The following PAPPA variants were observed in gnomAD, a reference collection of about 807,000 sequenced individuals.
PAPPA encodes pappalysin 1, also known as pappalysin-1.
Under a neutral mutation model 164.0 loss-of-function variants are expected in PAPPA, and 60 were observed. That is an observed-to-expected ratio of 0.37 (90% CI 0.30 to 0.45). The LOEUF is 0.45. PAPPA is among the 20% of genes least tolerant of loss of function. The pLI is 1.00. For synonymous variants in PAPPA, 875 were observed against 814.1 expected (o/e 1.07, Z -1.27); for missense variants, 1,782 against 2,087.3 (o/e 0.85, Z 2.85).
chr9:116,323,290 C>T (rs1387721549), intron 10 of PAPPA, among the ~76,000 whole-genome samples: 11 of 152,140 alleles, frequency 7.2e-5, no homozygotes, highest in Non-Finnish European at 1.5e-4. Flanking sequence ...GGTCCTGGAG[C>T]CACAGAGTCC....
rs200604980 is a variant in PAPPA, at chr9:116,289,121, CATATATATATATATATATATAT to C, written c.2954-13618_2954-13597del. Among the ~76,000 whole-genome samples the C allele has an allele frequency of 1.7e-4, 3 of 17,882 alleles. 1 individual carries two copies. The highest frequency in any genetic ancestry group is 6.0e-4 in the African/African-American group (3 of 5,008). The allele number at this position is 17,882 out of a possible 152,430, so 11.7% of individuals were successfully genotyped here. A position where few individuals can be genotyped will look rare whatever the true frequency, so the allele number is the denominator to read the frequency against. On this transcript the variant is annotated intron_variant, in intron 9 of 21. Coordinates refer to ENST00000328252, the MANE Select transcript of PAPPA (RefSeq NM_002581.5). Reference sequence around the variant, plus strand: ...GGATTGCAGAATAGATATGCATATACATATATATATATATATATATATATATATATATATATATAGCATATAT... The same window carrying C: ...GGATTGCAGAATAGATATGCATATACATATATATATATATATAGCATATAT...
At chr9:116,215,362 T>C (rs1180666416) in intron 4 of PAPPA, among the ~76,000 whole-genome samples, 3 of 152,138 alleles carry the variant, frequency 2.0e-5, no homozygotes, top group Non-Finnish European at 4.4e-5. Context: ...TGCCCATTAA[T>C]AATAGACTGG....
intron 2 of PAPPA, among the ~76,000 whole-genome samples, chr9:116,200,239 T>C (rs1315839481): frequency 2.0e-5 from 3 of 152,230 alleles, no homozygotes; most frequent in Non-Finnish European, 4.4e-5. Flanking sequence ...CTTGGTTCAA[T>C]ATCAAACCAA....
chr9:116,276,486 C>A (rs2118835064), intron 9 of PAPPA, among the ~76,000 whole-genome samples: 1 of 149,618 alleles, frequency 6.7e-6, no homozygotes, highest in Middle Eastern at 3.4e-3. Flanking sequence ...CACCTCAGAG[C>A]CTCAGTTTCT....
At chr9:116,355,683 G>C (rs894931578) in intron 17 of PAPPA, among the ~76,000 whole-genome samples, 13 of 152,334 alleles carry the variant, frequency 8.5e-5, no homozygotes, top group Non-Finnish European at 1.9e-4. Flanking sequence ...TTATCAAACT[G>C]AAACTCAGCC....
rs1846299265 is a variant in PAPPA at position 116,352,769 on chromosome 9, A to G, written c.4028A>G (p.Glu1343Gly). 6.2e-7 allele frequency: 1 copy of G among 1,613,646 alleles called. No homozygotes were observed. The highest frequency in any genetic ancestry group is 1.3e-5 in the African/African-American group (1 of 74,860). The change falls in exon 16 of 22, where the codon GAG becomes GGG. Residue 1343 changes from glutamate (E) to glycine (G), a missense_variant. Transcript: ENST00000328252. The part of the protein sequence containing the change: ...GLWSFPEALC[E>G]LMCLAPPPVP... ...TGGTCCTTCCCAGAGGCCCTGTGTG[A>G]GCTCATGTGCCTCGCTCCACCCCCT...
At chr9:116,156,893 G>A (rs1314876452) in intron 1 of PAPPA, among the ~76,000 whole-genome samples, 1 of 152,210 alleles carries the variant, frequency 6.6e-6, no homozygotes, top group Admixed American at 6.5e-5. Flanking sequence ...GGACCGAGGT[G>A]GGCAGCAAGG....
At chr9:116,216,890 C>T (rs372745039) in intron 4 of PAPPA, among the ~76,000 whole-genome samples, 1 of 152,014 alleles carries the variant, frequency 6.6e-6, no homozygotes, top group East Asian at 1.9e-4. Context: ...TACAGGCGTG[C>T]ACCACCATGC....
At chr9:116,391,769 C>G (rs1293766152) in intron 21 of PAPPA, among the ~76,000 whole-genome samples, 2 of 152,226 alleles carry the variant, frequency 1.3e-5, no homozygotes, top group Non-Finnish European at 2.9e-5. Flanking sequence ...ATGGGACAGC[C>G]TAGCCACATG....
intron 10 of PAPPA, among the ~76,000 whole-genome samples, chr9:116,328,026 G>T (rs1336453454): frequency 6.6e-6 from 1 of 152,188 alleles, no homozygotes; most frequent in Admixed American, 6.5e-5. Context: ...TTAAAACCCT[G>T]TCTAGTGCTA....
intron 10 of PAPPA, among the ~76,000 whole-genome samples, chr9:116,303,394 T>C (rs576172140): frequency 2.0e-5 from 3 of 152,154 alleles, no homozygotes; most frequent in Non-Finnish European, 4.4e-5. Flanking sequence ...ATCCTTAAAA[T>C]AAAGAGTAGT....
rs73654675 is a variant in PAPPA, at chr9:116,212,025, A to T, written c.1918+93A>T. Reference sequence around the variant, plus strand: ...GGGAACCTTGAACAAGCTACTTACCATTTCTAAGGATGGAAGGCCTAGCTC... The same window carrying T: ...GGGAACCTTGAACAAGCTACTTACCTTTTCTAAGGATGGAAGGCCTAGCTC... On this transcript the variant is annotated intron_variant, in intron 4 of 21. Coordinates refer to ENST00000328252, the MANE Select transcript of PAPPA (RefSeq NM_002581.5). 7,692 of 1,085,832 alleles carry T rather than the reference A, an allele frequency of 7.1e-3. 318 individuals are homozygous for T. In the African/African-American group the frequency reaches 0.096, roughly 14 times the overall value. 67.3% of individuals were successfully genotyped at this position (1,085,832 alleles called of 1,614,324 possible).
At chr9:116,366,205 G>C (rs1846498792) in intron 18 of PAPPA, among the ~76,000 whole-genome samples, 1 of 151,998 alleles carries the variant, frequency 6.6e-6, no homozygotes, top group Non-Finnish European at 1.5e-5. Flanking sequence ...GCCTCTTTGG[G>C]GTACTGAGTA....
chr9:116,388,390 T>C (rs912679673), intron 21 of PAPPA, among the ~76,000 whole-genome samples: 1 of 152,178 alleles, frequency 6.6e-6, no homozygotes, highest in African/African-American at 2.4e-5. Context: ...TCATTCTAAG[T>C]AAGCACGTGT....
Position 116,187,102 on chromosome 9 carries a change from C to G in PAPPA, c.416-52C>G, listed in dbSNP as rs1843980075. ...TATTAGAGAAAAATAACTTAACCCC[C>G]CCTCCTTTTCCATCCTTTATTTATT... On this transcript the variant is annotated intron_variant, in intron 1 of 21. Coordinates refer to ENST00000328252, the MANE Select transcript of PAPPA (RefSeq NM_002581.5). The surrounding 1 kb of genome is among the most constrained non-coding windows in gnomAD (Gnocchi z 4.2). The G allele has an allele frequency of 7.7e-7, 1 of 1,304,700 alleles. No individual in the cohort carries two copies. Among genetic ancestry groups the G allele is most frequent in the African/African-American group, 1.5e-5 (1 of 68,538 alleles). 80.8% of individuals were successfully genotyped at this position (1,304,700 alleles called of 1,614,324 possible).
intron 5 of PAPPA, among the ~76,000 whole-genome samples, chr9:116,226,379 A>C (rs1021829795): frequency 3.9e-5 from 6 of 152,166 alleles, no homozygotes; most frequent in Non-Finnish European, 8.8e-5. Flanking sequence ...GGCATAGTGA[A>C]CGTCCCTGTG....
chr9:116,312,627 C>T (rs1845734883), intron 10 of PAPPA, among the ~76,000 whole-genome samples: 3 of 152,178 alleles, frequency 2.0e-5, no homozygotes, highest in African/African-American at 7.2e-5. Flanking sequence ...TATTTTTGTA[C>T]ACACAAATGT....
At chr9:116,392,021 G>A (rs987746681) in intron 21 of PAPPA, among the ~76,000 whole-genome samples, 10 of 152,342 alleles carry the variant, frequency 6.6e-5, no homozygotes, top group African/African-American at 2.4e-4. Flanking sequence ...GCATGGTGCT[G>A]AGGAGTGCCA....
At chr9:116,334,761 A>C (rs1450761377) in intron 12 of PAPPA, 100 bp from the exon 13 acceptor site, 4 of 778,910 alleles carry the variant, frequency 5.1e-6, no homozygotes, top group African/African-American at 3.5e-5. Flanking sequence ...GTGCAGTGAC[A>C]TGAAAGGGTC....
Sources: allele counts gnomAD v4.1 joint callset (sites outside exome capture counted in the v4.1 genomes callset), GRCh38; gene constraint gnomAD v4.1.1; non-coding constraint Gnocchi (gnomAD v3.1); transcripts MANE v1.5; gene names NCBI Gene and HGNC (gene_info 2026-07-23, HGNC 2026-07-21).